Variants in ERMAP observed in about 807,000 individuals in gnomAD.
The protein encoded by ERMAP is erythroblast membrane associated protein (Scianna blood group), also known as erythroid membrane-associated protein.
Under a neutral mutation model 49.5 loss-of-function variants are expected in ERMAP, and 34 were observed. That is an observed-to-expected ratio of 0.69 (90% CI 0.52 to 0.91). The LOEUF is 0.91. Ranked by LOEUF, ERMAP falls within the 40% of genes least tolerant of loss-of-function variation. The probability of loss-of-function intolerance (pLI) is 0.00; values close to 1 mark genes in which losing one functional copy is unlikely to be tolerated. For missense variants in ERMAP, 541 were observed against 582.6 expected (o/e 0.93, Z 0.74); for synonymous variants, 214 against 232.2 (o/e 0.92, Z 0.71).
Position 42,844,148 on chromosome 1 carries a change from G to C in ERMAP, c.*916G>C. ...CGTAGAAGCTTTTTTTTCCCCACAA[G>C]ACCATTGTACTGCAATACTTGAGTA... On this transcript the variant is annotated 3_prime_UTR_variant, in exon 12 of 12. Coordinates refer to ENST00000372517, the MANE Select transcript of ERMAP (RefSeq NM_001017922.2). The surrounding 1 kb of genome is among the most constrained non-coding windows in gnomAD (Gnocchi z 4.0). The C allele has an allele frequency of 2.5e-6, 1 of 398,554 alleles. No homozygotes were observed. The highest frequency in any genetic ancestry group is 2.1e-5 in the African/African-American group (1 of 48,734). 24.7% of individuals were successfully genotyped at this position (398,554 alleles called of 1,614,324 possible).
Position 42,840,033 on chromosome 1 carries a change from A to G in ERMAP, c.638A>G (p.Lys213Arg). Residue 213 changes from lysine to arginine, a missense_variant and splice_region_variant, in exon 9 of 12, where the codon AAG becomes AGG. Coordinates refer to ENST00000372517, the MANE Select transcript of ERMAP (RefSeq NM_001017922.2). ...TTGCCAAATTGTTTTCATTCTTTAGAGAAACTCCGGAGTGAACTGAGTAAG... is the reference window on the plus strand; with the variant it reads ...TTGCCAAATTGTTTTCATTCTTTAGGGAAACTCCGGAGTGAACTGAGTAAG... ...KEKGKLHKAV[K>R]KLRSELKLKR... is the part of the protein sequence containing the mutation. The G allele has an allele frequency of 1.9e-6, 3 of 1,614,176 alleles. No individual in the cohort carries two copies. Among genetic ancestry groups the G allele is most frequent in the Non-Finnish European group, 2.5e-6 (3 of 1,180,030 alleles).
chr1:42,841,236 C>G (rs1393565738), intron 11 of ERMAP, among the ~76,000 whole-genome samples: 1 of 152,146 alleles, frequency 6.6e-6, no homozygotes, highest in Non-Finnish European at 1.5e-5. Flanking sequence ...TGGCTTATTG[C>G]CACCATCTCA....
rs1303906485 is a variant in ERMAP at position 42,830,806 on chromosome 1, C to T, written c.124C>T (p.Leu42=). Residue 42 remains leucine (L), a synonymous_variant, in exon 4 of 12, where the codon CTA becomes TTA. Transcript: ENST00000372517. ...TGCCGGCAAGTTCCACGTGGCCCTA[C>T]TAGGGGGCACAGCCGAGCTGCTCTG... ...GDAGKFHVAL[L]GGTAELLCPL... 1 of 1,573,992 alleles carries T rather than the reference C, an allele frequency of 6.4e-7. No individual in the cohort carries two copies. Among genetic ancestry groups the T allele is most frequent in the African/African-American group, 1.4e-5 (1 of 73,776 alleles).
Position 42,819,676 on chromosome 1 carries a change from AT to A in ERMAP, c.-122+2427del, listed in dbSNP as rs1654355524. 1.3e-5 allele frequency among the ~76,000 whole-genome samples: 2 copies of A among 151,598 alleles called. No individual in the cohort carries two copies. The highest frequency in any genetic ancestry group is 2.4e-5 in the African/African-American group (1 of 41,246). On this transcript the variant is annotated intron_variant, in intron 1 of 11. Transcript: ENST00000372517. The surrounding 1 kb of genome is among the most constrained non-coding windows in gnomAD (Gnocchi z 5.1). ...TCTATGCATCCCTTGTTTATTTTTT[AT>A]TTTCAGAGGTGGGCTCAAGTGATCC...
intron 6 of ERMAP, among the ~76,000 whole-genome samples, chr1:42,836,610 C>T (rs1654906486): frequency 6.6e-6 from 1 of 152,104 alleles, no homozygotes; most frequent in Non-Finnish European, 1.5e-5. Context: ...AATCCTAGCA[C>T]TTTGGGAGGC....
rs374280865 is a variant in ERMAP at position 42,830,513 on chromosome 1, G to A, written c.65G>A (p.Arg22Gln). 46 of 1,614,050 alleles carry A rather than the reference G, an allele frequency of 2.8e-5. No homozygotes were observed. Among genetic ancestry groups the A allele is most frequent in the African/African-American group, 5.3e-5 (4 of 74,992 alleles). Residue 22 changes from arginine to glutamine, a missense_variant, in exon 3 of 12, where the codon CGG (arginine) becomes CAG (glutamine). Transcript: ENST00000372517. ...SGCLIPLVFLRLSVHVSGHAG... is the reference protein window; with the variant it reads ...SGCLIPLVFLQLSVHVSGHAG... Reference sequence around the variant, plus strand: ...TGCCTCATCCCTCTCGTCTTCCTCCGGCTGTCTGTGCATGTGTCAGGTAGG... The same window carrying A: ...TGCCTCATCCCTCTCGTCTTCCTCCAGCTGTCTGTGCATGTGTCAGGTAGG...
chr1:42,836,917 A>C (rs1654917908), intron 6 of ERMAP: 2 of 389,672 alleles, frequency 5.1e-6, no homozygotes, highest in African/African-American at 2.1e-5. Context: ...AAAAAAAAAA[A>C]AACTAAACAA....
chr1:42,835,700 A>G, intron 5 of ERMAP, 32 bp from the exon 6 acceptor site: 2 of 1,611,850 alleles, frequency 1.2e-6, no homozygotes, highest in Non-Finnish European at 1.7e-6. Context: ...AGCCCTTCCT[A>G]AGCTGAGCTG....
At chr1:42,827,031 A>G (rs1654574772) in intron 2 of ERMAP, among the ~76,000 whole-genome samples, 1 of 152,188 alleles carries the variant, frequency 6.6e-6, no homozygotes, top group Admixed American at 6.5e-5. Flanking sequence ...AAGCTTTTAC[A>G]TCTTATATCC....
intron 1 of ERMAP, among the ~76,000 whole-genome samples, chr1:42,820,941 G>T (rs542611140): frequency 2.0e-5 from 3 of 152,294 alleles, no homozygotes; most frequent in Admixed American, 1.3e-4. Context: ...ACCCCGGGAG[G>T]TAGAGCCAGG....
chr1:42,829,070 C>G (rs6703396), intron 2 of ERMAP, among the ~76,000 whole-genome samples: 2,381 of 152,232 alleles, frequency 0.016, 72 homozygotes, highest in African/African-American at 0.054. Context: ...CTTCTCTTGT[C>G]CAGTTTTTGA....
rs374232709 is a variant in ERMAP at position 42,835,780 on chromosome 1, T to G, written c.583+16T>G. ...ACGGAGGTGGGTAAGTGTTCTTGGC[T>G]GGGGGGCAGGGGAGATGTTTCTTTT... On this transcript the variant is annotated intron_variant, in intron 6 of 11. Transcript: ENST00000372517. 3.1e-6 allele frequency: 5 copies of G among 1,604,662 alleles called. No homozygotes were observed. Among genetic ancestry groups the G allele is most frequent in the Non-Finnish European group, 4.3e-6 (5 of 1,175,962 alleles).
rs372795584 is a variant in ERMAP at position 42,835,294 on chromosome 1, T to C, written c.550+140T>C. 12 of 653,308 alleles carry C rather than the reference T, an allele frequency of 1.8e-5. No homozygotes were observed. In the East Asian group the frequency reaches 2.9e-4, roughly 16 times the overall value. The allele number at this position is 653,308 out of a possible 1,614,324, so 40.5% of individuals were successfully genotyped here. On this transcript the variant is annotated intron_variant, in intron 5 of 11. Coordinates refer to ENST00000372517, the MANE Select transcript of ERMAP (RefSeq NM_001017922.2). ...TGCAAGTTGGCTGGGAGAAAACTGG[T>C]AGAGCCATGCCCTGGGGACACACAT...
chr1:42,817,225 G>A lies in ERMAP; in HGVS notation c.-150G>A, dbSNP rs1270347903. 4.8e-6 allele frequency: 6 copies of A among 1,255,582 alleles called. No individual in the cohort carries two copies. The African/African-American group carries it at 4.8e-5, about 10-fold the overall frequency. The allele number at this position is 1,255,582 out of a possible 1,614,324, so 77.8% of individuals were successfully genotyped here. The stretch of plus-strand genomic sequence containing the variant: ...CGGGCCACTGGAAGTTGGAGCCTCC[G>A]CCGAGTCGCAGACAACGCCTCCGGG... On this transcript the variant is annotated 5_prime_UTR_variant, in exon 1 of 12. Transcript: ENST00000372517.
At chr1:42,822,310 A>C (rs1361531211) in intron 1 of ERMAP, among the ~76,000 whole-genome samples, 1 of 151,704 alleles carries the variant, frequency 6.6e-6, no homozygotes, top group Non-Finnish European at 1.5e-5. Flanking sequence ...CAGCCTCCTG[A>C]GTAGCTGGGA....
Position 42,840,181 on chromosome 1 carries a change from G to A in ERMAP, c.685+3G>A, listed in dbSNP as rs763688350. 9 of 1,614,162 alleles carry A rather than the reference G, an allele frequency of 5.6e-6. No homozygotes were observed. In the Admixed American group the frequency reaches 1.2e-4, roughly 21 times the overall value. ...GAAAAGAGCTGCAGCAAACTCAGGTGAGATGCACTTTCTCCACATTTGACC... is the reference window on the plus strand; with the variant it reads ...GAAAAGAGCTGCAGCAAACTCAGGTAAGATGCACTTTCTCCACATTTGACC... On this transcript the variant is annotated splice_donor_region_variant and intron_variant, in intron 10 of 11. Coordinates refer to ENST00000372517, the MANE Select transcript of ERMAP (RefSeq NM_001017922.2).
intron 6 of ERMAP, among the ~76,000 whole-genome samples, chr1:42,836,488 C>T (rs1442080093): frequency 1.3e-5 from 2 of 152,178 alleles, no homozygotes; most frequent in Non-Finnish European, 2.9e-5. Context: ...CCTGGTGGGT[C>T]ACATTCAGGA....
intron 1 of ERMAP, among the ~76,000 whole-genome samples, chr1:42,823,525 C>T (rs72958999): frequency 6.6e-6 from 1 of 152,282 alleles, no homozygotes; most frequent in African/African-American, 2.4e-5. Flanking sequence ...GTTGCTTTTC[C>T]TGAAGTGACA....
At chr1:42,823,252 A>G (rs1480733877) in intron 1 of ERMAP, among the ~76,000 whole-genome samples, 1 of 152,206 alleles carries the variant, frequency 6.6e-6, no homozygotes, top group Non-Finnish European at 1.5e-5. Context: ...TGCATTTTAA[A>G]TGAATGTTTT....
Sources: gnomAD v4.1 joint callset for allele counts (sites outside exome capture counted in the v4.1 genomes callset) on GRCh38, gnomAD v4.1.1 for gene constraint, Gnocchi (gnomAD v3.1) non-coding constraint, MANE v1.5 for transcripts, NCBI Gene and HGNC (gene_info 2026-07-23, HGNC 2026-07-21) for gene names.